The following RETREG1 variants were observed in gnomAD, a reference collection of about 807,000 sequenced individuals.
The protein encoded by RETREG1 is reticulophagy regulator 1.
A neutral mutation model predicts 54.8 loss-of-function variants in RETREG1; 44 were observed. The observed-to-expected ratio is 0.80, with a 90% CI of 0.63 to 1.03. The LOEUF (loss-of-function observed/expected upper bound fraction) is 1.03, where lower values mean the gene tolerates loss of function less well. Ranked by LOEUF, RETREG1 falls within the 50% of genes least tolerant of loss-of-function variation. The pLI is 0.00. For missense variants in RETREG1, 554 were observed against 605.1 expected (o/e 0.92, Z 0.89); for synonymous variants, 217 against 238.5 (o/e 0.91, Z 0.83).
intron 1 of RETREG1, among the ~76,000 whole-genome samples, chr5:16,590,985 C>T (rs1295021355): frequency 6.6e-6 from 1 of 152,108 alleles, no homozygotes; most frequent in African/African-American, 2.4e-5. Flanking sequence ...ATTTGCTTGC[C>T]TCCATAGCAC....
intron 1 of RETREG1, among the ~76,000 whole-genome samples, chr5:16,584,229 C>G (rs759061493): frequency 5.3e-5 from 8 of 152,066 alleles, no homozygotes; most frequent in Non-Finnish European, 8.8e-5. Flanking sequence ...TCAGAAATCA[C>G]CACTAAAGAA....
chr5:16,562,198 C>T (rs1010735613), intron 3 of RETREG1, among the ~76,000 whole-genome samples: 3 of 152,114 alleles, frequency 2.0e-5, no homozygotes, highest in Non-Finnish European at 4.4e-5. Flanking sequence ...GCTTATAATC[C>T]CAGCTACTCG....
At chr5:16,478,796 A>C in intron 6 of RETREG1, 54 bp downstream of exon 6, 27 of 1,498,856 alleles carry the variant, frequency 1.8e-5, no homozygotes, top group Non-Finnish European at 2.2e-5. Flanking sequence ...TCCTAAAAAT[A>C]GCTCGCTAAT....
chr5:16,584,147 GGA>G (rs1579707695), intron 1 of RETREG1, among the ~76,000 whole-genome samples: 1 of 152,142 alleles, frequency 6.6e-6, no homozygotes, highest in Non-Finnish European at 1.5e-5. Context: ...GAGAAAGGGT[GGA>G]GGGGGGTGAG....
chr5:16,526,872 T>C (rs895024810), intron 3 of RETREG1, among the ~76,000 whole-genome samples: 1 of 152,212 alleles, frequency 6.6e-6, no homozygotes, highest in Non-Finnish European at 1.5e-5. Flanking sequence ...CTGCAGAGGA[T>C]GCCACACAGC....
intron 1 of RETREG1, among the ~76,000 whole-genome samples, chr5:16,601,056 A>G (rs1439276973): frequency 6.6e-6 from 1 of 150,876 alleles, no homozygotes; most frequent in African/African-American, 2.5e-5. Flanking sequence ...ACGTTTGACC[A>G]GTAAGATCTC....
rs998266706 is a variant in RETREG1 at position 16,499,650 on chromosome 5, C to T, written c.459-16178G>A. On this transcript the variant is annotated intron_variant, in intron 3 of 8. Coordinates refer to ENST00000306320, the MANE Select transcript of RETREG1 (RefSeq NM_001034850.3). ...TGTTTTGTTTATATGGCTAGCAAGGCGGCCATTCCTGATGGTAATTACCAT... is the reference window on the plus strand; with the variant it reads ...TGTTTTGTTTATATGGCTAGCAAGGTGGCCATTCCTGATGGTAATTACCAT... Among the ~76,000 whole-genome samples the T allele has an allele frequency of 3.3e-5, 5 of 152,190 alleles. No individual in the cohort carries two copies. In the East Asian group the frequency reaches 5.8e-4, roughly 18 times the overall value.
rs888207518 is a variant in RETREG1, at chr5:16,473,788, C to T, written c.*953G>A. 7 of 152,136 alleles carry T rather than the reference C, an allele frequency of 4.6e-5. No individual in the cohort carries two copies. Among genetic ancestry groups the T allele is most frequent in the African/African-American group, 1.7e-4 (7 of 41,452 alleles). 9.4% of individuals were successfully genotyped at this position (152,136 alleles called of 1,614,324 possible). A position where few individuals can be genotyped will look rare whatever the true frequency, so the allele number is the denominator to read the frequency against. ...TTAAAGCCAAGCAAGTTCCTCTCCT[C>T]TATACAGGCTAAGAAAACAGAGTTA... On this transcript the variant is annotated 3_prime_UTR_variant, in exon 9 of 9. Coordinates refer to ENST00000306320, the MANE Select transcript of RETREG1 (RefSeq NM_001034850.3).
In RETREG1 at chr5:16,612,093, A is replaced by G. The variant is rs915522526; in HGVS notation, c.320+4559T>C. Among the ~76,000 whole-genome samples the G allele has an allele frequency of 1.1e-4, 16 of 151,364 alleles. 1 individual carries two copies. The highest frequency in any genetic ancestry group is 2.2e-4 in the Non-Finnish European group (15 of 67,882). On this transcript the variant is annotated intron_variant, in intron 1 of 8. Coordinates refer to ENST00000306320, the MANE Select transcript of RETREG1 (RefSeq NM_001034850.3). ...AAAAAAAAAAAAAGGACATCACCCT[A>G]TCACCCTAAATAACACCATTTATAC...
At chr5:16,488,764 T>C (rs777519108) in intron 3 of RETREG1, among the ~76,000 whole-genome samples, 5 of 152,236 alleles carry the variant, frequency 3.3e-5, no homozygotes, top group Middle Eastern at 3.4e-3. Context: ...CTAAACTAAA[T>C]GCGGCTCTGG....
At chr5:16,608,706 G>C (rs2126372488) in intron 1 of RETREG1, among the ~76,000 whole-genome samples, 1 of 152,216 alleles carries the variant, frequency 6.6e-6, no homozygotes, top group East Asian at 1.9e-4. Context: ...TGACCACACT[G>C]GGTAGGGAGC....
At chr5:16,564,998 G>A (rs1021221434) in intron 3 of RETREG1, among the ~76,000 whole-genome samples, 4 of 152,076 alleles carry the variant, frequency 2.6e-5, no homozygotes, top group East Asian at 3.9e-4. Context: ...CTCAGCCATC[G>A]TTTTTAAGTA....
At chr5:16,512,055 C>T (rs1024114198) in intron 3 of RETREG1, among the ~76,000 whole-genome samples, 1 of 152,178 alleles carries the variant, frequency 6.6e-6, no homozygotes, top group East Asian at 1.9e-4. Flanking sequence ...CAAGTGTCCC[C>T]CCACTGAAGG....
chr5:16,582,340 T>A (rs1244403226), intron 1 of RETREG1, among the ~76,000 whole-genome samples: 3 of 152,274 alleles, frequency 2.0e-5, no homozygotes, highest in African/African-American at 7.2e-5. Context: ...CCACGGCCTA[T>A]ATTCGATAAA....
chr5:16,595,139 A>G (rs1307051674), intron 1 of RETREG1, among the ~76,000 whole-genome samples: 1 of 152,226 alleles, frequency 6.6e-6, no homozygotes, highest in Non-Finnish European at 1.5e-5. Context: ...TTCCTGACTC[A>G]TGGTGAGAGT....
At chr5:16,560,401 G>A (rs144575328) in intron 3 of RETREG1, among the ~76,000 whole-genome samples, 2 of 152,308 alleles carry the variant, frequency 1.3e-5, no homozygotes, top group African/African-American at 2.4e-5. Flanking sequence ...ATGGCACTGT[G>A]AGTGGTGAAT....
chr5:16,505,870 G>C (rs1739932817), intron 3 of RETREG1, among the ~76,000 whole-genome samples: 1 of 152,214 alleles, frequency 6.6e-6, no homozygotes, highest in Admixed American at 6.5e-5. Flanking sequence ...GAGGCTCCCT[G>C]TTTGGGCTTC....
intron 3 of RETREG1, among the ~76,000 whole-genome samples, chr5:16,536,350 T>C (rs1001599735): frequency 2.6e-5 from 4 of 152,114 alleles, no homozygotes; most frequent in African/African-American, 9.7e-5. Flanking sequence ...CTCACAAAAA[T>C]GCTCTGAAGC....
chr5:16,613,813 A>G (rs1426058002), intron 1 of RETREG1, among the ~76,000 whole-genome samples: 1 of 152,250 alleles, frequency 6.6e-6, no homozygotes, highest in Non-Finnish European at 1.5e-5. Flanking sequence ...AGGTTAGAGT[A>G]TCACATAATT....
Sources: gnomAD v4.1 joint callset for allele counts (sites outside exome capture counted in the v4.1 genomes callset) on GRCh38, gnomAD v4.1.1 for gene constraint, MANE v1.5 for transcripts, NCBI Gene and HGNC (gene_info 2026-07-23, HGNC 2026-07-21) for gene names.